The following CACNA2D3 variants were observed in gnomAD, a reference collection of about 807,000 sequenced individuals.
CACNA2D3 encodes voltage-dependent calcium channel subunit alpha-2/delta-3.
Under a neutral mutation model 160.6 loss-of-function variants are expected in CACNA2D3, and 60 were observed. The ratio of observed to expected loss-of-function variants is 0.37; its 90% CI spans 0.30 to 0.46. The LOEUF (loss-of-function observed/expected upper bound fraction) is 0.46, where lower values mean the gene tolerates loss of function less well. Ranked by LOEUF, CACNA2D3 falls within the 20% of genes least tolerant of loss-of-function variation. The pLI is 1.00. For synonymous variants in CACNA2D3, 558 were observed against 492.9 expected, an observed-to-expected ratio of 1.13 and a Z score of -1.75; for missense variants, 1,205 against 1,365.0, an observed-to-expected ratio of 0.88 and a Z score of 1.85.
intron 4 of CACNA2D3, among the ~76,000 whole-genome samples, chr3:54,401,540 G>C (rs1324633799): frequency 6.6e-6 from 1 of 152,168 alleles, no homozygotes; most frequent in Non-Finnish European, 1.5e-5. Flanking sequence ...ATCATCGTTA[G>C]AATGTCAGTG....
At chr3:54,906,393 T>C (rs979953358) in intron 27 of CACNA2D3, among the ~76,000 whole-genome samples, 5 of 152,142 alleles carry the variant, frequency 3.3e-5, no homozygotes, top group African/African-American at 7.2e-5. Flanking sequence ...GGGCAATGCC[T>C]TTCCAGGTTG....
chr3:54,227,077 C>T lies in CACNA2D3; in HGVS notation c.205-93365C>T, dbSNP rs139917577. ...ATGAATCTCCTTTGTCCTGGCAGAC[C>T]GGCAGGGTCATTGTGAAGATGGCAG... is the stretch of plus-strand genomic sequence containing the variant. On this transcript the variant is annotated intron_variant, in intron 2 of 37. Transcript: ENST00000474759. Among the ~76,000 whole-genome samples the T allele has an allele frequency of 1.8e-3, 280 of 152,232 alleles. 3 individuals are homozygous for T. Among genetic ancestry groups the T allele is most frequent in the South Asian group, 0.016 (79 of 4,822 alleles).
At chr3:54,248,292 C>T (rs1008507079) in intron 2 of CACNA2D3, among the ~76,000 whole-genome samples, 3 of 151,878 alleles carry the variant, frequency 2.0e-5, no homozygotes, top group African/African-American at 7.3e-5. Flanking sequence ...ACCAGCCTGG[C>T]CAACATAGTG....
Position 54,320,656 on chromosome 3 carries a change from C to T in CACNA2D3, c.321+98C>T, listed in dbSNP as rs1006262207. On this transcript the variant is annotated intron_variant, in intron 3 of 37. Coordinates refer to ENST00000474759, the MANE Select transcript of CACNA2D3 (RefSeq NM_018398.3). Reference sequence around the variant, plus strand: ...CCAATCTCTCAAAGATAAAAGTTGACTCACGCATCTATTACGTAAATACTT... The same window carrying T: ...CCAATCTCTCAAAGATAAAAGTTGATTCACGCATCTATTACGTAAATACTT... 22 of 585,510 alleles carry T rather than the reference C, an allele frequency of 3.8e-5. No homozygotes were observed. The East Asian group carries it at 7.0e-4, about 19-fold the overall frequency. The allele number at this position is 585,510 out of a possible 1,614,324, so 36.3% of individuals were successfully genotyped here.
rs922391047 is a variant in CACNA2D3 at position 54,278,808 on chromosome 3, G to C, written c.205-41634G>C. On this transcript the variant is annotated intron_variant, in intron 2 of 37. Coordinates refer to ENST00000474759, the MANE Select transcript of CACNA2D3 (RefSeq NM_018398.3). ...ATGAGAACACCTGGACACGGGGAGG[G>C]GAACATCACACACCAGGGCCTGTCG... 3.6e-4 allele frequency among the ~76,000 whole-genome samples: 55 copies of C among 152,154 alleles called. 1 individual carries two copies. Among genetic ancestry groups the C allele is most frequent in the African/African-American group, 1.3e-3 (53 of 41,502 alleles).
At chr3:54,905,225 T>A (rs1700428012) in intron 27 of CACNA2D3, among the ~76,000 whole-genome samples, 1 of 152,184 alleles carries the variant, frequency 6.6e-6, no homozygotes, top group African/African-American at 2.4e-5. Context: ...TTTGAAAATG[T>A]GGGTTATGTG....
chr3:54,355,874 TTCA>T (rs879855504), intron 3 of CACNA2D3, among the ~76,000 whole-genome samples: 1 of 152,184 alleles, frequency 6.6e-6, no homozygotes, highest in Admixed American at 6.5e-5. Flanking sequence ...GTCTGGAGAC[TTCA>T]TAGTGCAAAG....
In CACNA2D3 at chr3:54,763,767, A is replaced by ATG. The variant is rs1553838542; in HGVS notation, c.1247-449_1247-448dup. ...TATGTGCATATATATACACATATAT[A>ATG]TGTATATATGTACATATATATGTAT... On this transcript the variant is annotated intron_variant, in intron 12 of 37. Transcript: ENST00000474759. 1.9e-3 allele frequency among the ~76,000 whole-genome samples: 33 copies of ATG among 17,150 alleles called. 2 individuals carry two copies. Among genetic ancestry groups the ATG allele is most frequent in the East Asian group, 5.4e-3 (1 of 186 alleles). The allele number at this position is 17,150 out of a possible 152,430, so 11.3% of individuals were successfully genotyped here. A position where few individuals can be genotyped will look rare whatever the true frequency, so the allele number is the denominator to read the frequency against.
intron 2 of CACNA2D3, among the ~76,000 whole-genome samples, chr3:54,316,087 G>A (rs1010934138): frequency 1.1e-4 from 17 of 152,094 alleles, no homozygotes; most frequent in African/African-American, 3.9e-4. Flanking sequence ...GTGTGTGTGT[G>A]TGTGTGTGCA....
intron 31 of CACNA2D3, among the ~76,000 whole-genome samples, chr3:54,997,922 C>A (rs181392976): frequency 2.6e-5 from 4 of 152,134 alleles, no homozygotes; most frequent in Admixed American, 1.3e-4. Flanking sequence ...GCAAGATATC[C>A]CTTGGGAATT....
intron 2 of CACNA2D3, among the ~76,000 whole-genome samples, chr3:54,248,593 G>T (rs1008640357): frequency 6.6e-6 from 1 of 152,108 alleles, no homozygotes; most frequent in Non-Finnish European, 1.5e-5. Flanking sequence ...GAATCCACAG[G>T]CACAGAGAAA....
At chr3:54,632,712 C>G (rs1401237560) in intron 10 of CACNA2D3, 2 of 152,012 alleles carry the variant, frequency 1.3e-5, no homozygotes, top group Admixed American at 6.5e-5. Flanking sequence ...GTGAACATAG[C>G]AAGGGAAAGA....
chr3:55,001,578 A>T (rs1238903254), intron 31 of CACNA2D3, among the ~76,000 whole-genome samples: 1 of 152,214 alleles, frequency 6.6e-6, no homozygotes, highest in Non-Finnish European at 1.5e-5. Flanking sequence ...TTGTAAGTGG[A>T]TGAGTTAGGA....
chr3:54,462,773 G>A lies in CACNA2D3; in HGVS notation c.382-40719G>A, dbSNP rs372440966. ...TTTAATTGGAGCATTTAGTCCATTT[G>A]CATTTAAAGTTAATATTGTTGTGTT... is the stretch of plus-strand genomic sequence containing the variant. On this transcript the variant is annotated intron_variant, in intron 4 of 37. Transcript: ENST00000474759. 5.9e-5 allele frequency among the ~76,000 whole-genome samples: 9 copies of A among 152,116 alleles called. No individual in the cohort carries two copies. The South Asian group carries it at 1.0e-3, about 18-fold the overall frequency.
intron 11 of CACNA2D3, among the ~76,000 whole-genome samples, chr3:54,700,295 T>A (rs1700744497): frequency 6.6e-6 from 1 of 152,230 alleles, no homozygotes; most frequent in African/African-American, 2.4e-5. Context: ...CTGATTTCTT[T>A]GTTTATTTAT....
rs143633554 is a variant in CACNA2D3 at position 54,325,193 on chromosome 3, G to A, written c.321+4635G>A. ...CACAGCCAAATGTGCAGTGGGAAGA[G>A]AATATGTAGGAAGTAACTGCGTAAC... On this transcript the variant is annotated intron_variant, in intron 3 of 37. Transcript: ENST00000474759. 3.2e-3 allele frequency among the ~76,000 whole-genome samples: 482 copies of A among 152,280 alleles called. 2 individuals are homozygous for A. The highest frequency in any genetic ancestry group is 6.0e-3 in the Admixed American group (92 of 15,300).
chr3:54,921,845 T>C (rs933256304), intron 27 of CACNA2D3, among the ~76,000 whole-genome samples: 1 of 152,200 alleles, frequency 6.6e-6, no homozygotes. Flanking sequence ...ATAACTAAAG[T>C]CTGGGCTAGT....
intron 13 of CACNA2D3, among the ~76,000 whole-genome samples, chr3:54,778,127 G>A (rs978494867): frequency 7.2e-5 from 11 of 152,074 alleles, no homozygotes; most frequent in African/African-American, 1.2e-4. Flanking sequence ...CACGTCCTAC[G>A]TGGCTGGAGC....
chr3:54,816,282 C>G lies in CACNA2D3; in HGVS notation c.1381-571C>G, dbSNP rs535758061. ...AACAAGCATTTTTCTAACAGTCTTACCTTTATATACAGCAGGGTTTCTCAA... is the reference window on the plus strand; with the variant it reads ...AACAAGCATTTTTCTAACAGTCTTAGCTTTATATACAGCAGGGTTTCTCAA... On this transcript the variant is annotated intron_variant, in intron 13 of 37. Coordinates refer to ENST00000474759, the MANE Select transcript of CACNA2D3 (RefSeq NM_018398.3). 3.3e-5 allele frequency among the ~76,000 whole-genome samples: 5 copies of G among 152,230 alleles called. No individual in the cohort carries two copies. The South Asian group carries it at 1.0e-3, about 32-fold the overall frequency.
Sources: allele counts gnomAD v4.1 joint callset (sites outside exome capture counted in the v4.1 genomes callset), GRCh38; gene constraint gnomAD v4.1.1; transcripts MANE v1.5; gene names NCBI Gene and HGNC (gene_info 2026-07-23, HGNC 2026-07-21).